ZNF410: variants seen among roughly 807,000 people sequenced by gnomAD.
ZNF410 encodes the protein another partner for ARF 1.
In ZNF410, 18 loss-of-function variants were observed where a neutral mutation model predicts 54.8. The observed-to-expected ratio is 0.33, with a 90% CI of 0.23 to 0.49. ZNF410 has a LOEUF of 0.49. Among genes scored for constraint, ZNF410 ranks in the 20% least tolerant of loss-of-function variants. The probability of loss-of-function intolerance (pLI) is 0.99; values close to 1 mark genes in which losing one functional copy is unlikely to be tolerated. For synonymous variants in ZNF410, 191 were observed against 207.3 expected, an observed-to-expected ratio of 0.92 and a Z score of 0.68; for missense variants, 405 against 569.6, an observed-to-expected ratio of 0.71 and a Z score of 2.94.
chr14:73,901,761 C>CA (rs902763178), intron 5 of ZNF410, among the ~76,000 whole-genome samples: 78 of 143,032 alleles, frequency 5.5e-4, no homozygotes, highest in South Asian at 5.1e-3. Flanking sequence ...CCCATCTCTA[C>CA]AAAAAAAAAA....
At chr14:73,926,341 A>G (rs2055830579) in intron 11 of ZNF410, among the ~76,000 whole-genome samples, 2 of 150,902 alleles carry the variant, frequency 1.3e-5, no homozygotes, top group African/African-American at 4.9e-5. Flanking sequence ...TGTATATTGC[A>G]TTTGTTTAAT....
chr14:73,908,544 T>C (rs2055527240), intron 7 of ZNF410, among the ~76,000 whole-genome samples: 1 of 152,278 alleles, frequency 6.6e-6, no homozygotes, highest in Non-Finnish European at 1.5e-5. Context: ...AAAAGAATAG[T>C]ATAATCTAGC....
At chr14:73,888,435 G>T (rs2055176832) in intron 1 of ZNF410, 1 of 152,146 alleles carries the variant, frequency 6.6e-6, no homozygotes, top group Non-Finnish European at 1.5e-5. Flanking sequence ...TTACTGGGAA[G>T]CTTGTATGGA....
At chr14:73,898,395 T>C in intron 5 of ZNF410, 133 bp downstream of exon 5, 1 of 1,005,098 alleles carries the variant, frequency 9.9e-7, no homozygotes, top group South Asian at 1.6e-5. Context: ...CTGTAAATTG[T>C]TTAAATTTTA....
intron 7 of ZNF410, 62 bp downstream of exon 7, chr14:73,905,145 C>T (rs760656556): frequency 1.3e-6 from 2 of 1,532,328 alleles, no homozygotes; most frequent in Non-Finnish European, 1.8e-6. Context: ...GTTTGCCTCT[C>T]CTTAGGAAAG....
At chr14:73,921,207 G>A in intron 9 of ZNF410, 102 bp downstream of exon 9, 1 of 1,506,386 alleles carries the variant, frequency 6.6e-7, no homozygotes, top group Non-Finnish European at 9.0e-7. Context: ...ATTCTGTTTT[G>A]GGTAGATAGA....
intron 11 of ZNF410, among the ~76,000 whole-genome samples, chr14:73,929,113 A>G (rs1334582356): frequency 1.3e-5 from 2 of 152,324 alleles, no homozygotes; most frequent in East Asian, 1.9e-4. Context: ...GGGTTTTTGT[A>G]TATTTACAAA....
chr14:73,913,349 C>A (rs569524443), intron 8 of ZNF410: 1 of 152,282 alleles, frequency 6.6e-6, no homozygotes, highest in Admixed American at 6.5e-5. Context: ...TTTGAGAAGC[C>A]AAGGCCAAAG....
At chr14:73,929,096 TC>T (rs1566669100) in intron 11 of ZNF410, among the ~76,000 whole-genome samples, 1 of 152,242 alleles carries the variant, frequency 6.6e-6, no homozygotes, top group Non-Finnish European at 1.5e-5. Flanking sequence ...TGTCACTTTT[TC>T]CTCATGGGTT....
At chr14:73,915,133 A>G (rs1353440963) in intron 8 of ZNF410, among the ~76,000 whole-genome samples, 1 of 150,600 alleles carries the variant, frequency 6.6e-6, no homozygotes, top group Non-Finnish European at 1.5e-5. Flanking sequence ...GTGGTAGCTC[A>G]TGACTGTAAT....
intron 2 of ZNF410, among the ~76,000 whole-genome samples, chr14:73,892,506 C>A (rs2055246872): frequency 6.6e-6 from 1 of 151,098 alleles, no homozygotes; most frequent in Non-Finnish European, 1.5e-5. Context: ...ATATGAGATA[C>A]ATGTGATGTA....
chr14:73,903,853 T>TA, intron 5 of ZNF410, 107 bp from the exon 6 acceptor site: 1 of 1,402,392 alleles, frequency 7.1e-7, no homozygotes, highest in Admixed American at 2.1e-5. Flanking sequence ...TGAAGATAGA[T>TA]ACCTGATTAA....
intron 11 of ZNF410, chr14:73,924,941 T>A (rs554251327): frequency 5.3e-5 from 15 of 283,358 alleles, no homozygotes; most frequent in Non-Finnish European, 8.3e-5. Flanking sequence ...CCTCCCAAAG[T>A]GCTGGAATTA....
At chr14:73,903,811 T>C in intron 5 of ZNF410, 149 bp from the exon 6 acceptor site, 1 of 1,116,094 alleles carries the variant, frequency 9.0e-7, no homozygotes, top group Non-Finnish European at 1.3e-6. Flanking sequence ...AAGTTTCTGC[T>C]GTTAAGTGCA....
chr14:73,910,284 CT>C (rs781650673), intron 8 of ZNF410, among the ~76,000 whole-genome samples: 2 of 152,168 alleles, frequency 1.3e-5, no homozygotes, highest in African/African-American at 4.8e-5. Flanking sequence ...GATGAGAAGA[CT>C]TTTTTTCAGT....
At chr14:73,923,297 G>T in intron 10 of ZNF410, 98 bp from the exon 11 acceptor site, 1 of 1,341,710 alleles carries the variant, frequency 7.5e-7, no homozygotes, top group Non-Finnish European at 1.0e-6. Context: ...GGAAATAGAG[G>T]AATAGAGTTT....
rs1044413821 is a variant in ZNF410, at chr14:73,903,966, A to T, written c.587A>T (p.Asn196Ile). The T allele has an allele frequency of 1.2e-6, 2 of 1,614,104 alleles. No individual in the cohort carries two copies. The highest frequency in any genetic ancestry group is 2.2e-5 in the East Asian group (1 of 44,880). The part of the protein sequence containing the change: ...KNAKTSSNGE[N>I]VHLGSGDGQS... ...ATATGTGACTCTGTTACAGGAGAAAATGTCCACCTTGGTTCTGGTGATGGG... is the reference window on the plus strand; with the variant it reads ...ATATGTGACTCTGTTACAGGAGAAATTGTCCACCTTGGTTCTGGTGATGGG... The change falls in exon 6 of 12, where the codon AAT becomes ATT. Residue 196 changes from asparagine to isoleucine, a missense_variant. Coordinates refer to ENST00000555044, the MANE Select transcript of ZNF410 (RefSeq NM_021188.3).
At chr14:73,903,866 A>T in intron 5 of ZNF410, 94 bp from the exon 6 acceptor site, 1 of 1,475,092 alleles carries the variant, frequency 6.8e-7, no homozygotes, top group Non-Finnish European at 9.2e-7. Context: ...CTGATTAATG[A>T]TCACTAGGAG....
chr14:73,912,169 CTTT>C (rs34162465), intron 8 of ZNF410, among the ~76,000 whole-genome samples: 133 of 128,566 alleles, frequency 1.0e-3, no homozygotes, highest in African/African-American at 3.6e-3. Flanking sequence ...CTTTCACTTT[CTTT>C]TTTTTTTTTT....
Sources: gnomAD v4.1 joint callset for allele counts (sites outside exome capture counted in the v4.1 genomes callset) on GRCh38, gnomAD v4.1.1 for gene constraint, MANE v1.5 for transcripts, NCBI Gene and HGNC (gene_info 2026-07-23, HGNC 2026-07-21) for gene names.